Variants in POU2F1 observed in about 807,000 individuals in gnomAD.
POU2F1 encodes the protein POU domain, class 2, transcription factor 1.
A neutral mutation model predicts 84.9 loss-of-function variants in POU2F1; 16 were observed. The ratio of observed to expected loss-of-function variants is 0.19; its 90% CI spans 0.13 to 0.29. The LOEUF is 0.29. Among genes scored for constraint, POU2F1 ranks in the 10% least tolerant of loss-of-function variants. POU2F1 has a pLI of 1.00. For synonymous variants in POU2F1, 368 were observed against 368.3 expected (o/e 1.00, Z 0.01); for missense variants, 738 against 942.6 (o/e 0.78, Z 2.84).
intron 2 of POU2F1, among the ~76,000 whole-genome samples, chr1:167,360,877 T>A (rs1659310318): frequency 1.3e-5 from 2 of 152,140 alleles, no homozygotes; most frequent in Admixed American, 6.5e-5. Flanking sequence ...CTTTTAACAG[T>A]GTTTTATAGT....
At chr1:167,239,340 A>G (rs1346577357) in intron 1 of POU2F1, among the ~76,000 whole-genome samples, 1 of 152,150 alleles carries the variant, frequency 6.6e-6, no homozygotes, top group Admixed American at 6.5e-5. Flanking sequence ...CTTTTTTGCC[A>G]TGCTATCAAG....
intron 7 of POU2F1, among the ~76,000 whole-genome samples, chr1:167,377,582 G>A (rs909447916): frequency 4.6e-5 from 7 of 152,026 alleles, no homozygotes; most frequent in African/African-American, 9.7e-5. Flanking sequence ...GTGAGACTCC[G>A]TCTAAAAAAT....
intron 8 of POU2F1, among the ~76,000 whole-genome samples, chr1:167,385,865 C>T (rs1025817317): frequency 2.0e-5 from 3 of 152,076 alleles, no homozygotes; most frequent in African/African-American, 7.2e-5. Flanking sequence ...TCTGATAAAA[C>T]ATTTGTGTTC....
intron 1 of POU2F1, among the ~76,000 whole-genome samples, chr1:167,328,368 C>CT (rs1362574175): frequency 6.6e-6 from 1 of 152,176 alleles, no homozygotes; most frequent in East Asian, 1.9e-4. Flanking sequence ...TAAAGTGGGA[C>CT]TTTCTCTTGA....
intron 2 of POU2F1, among the ~76,000 whole-genome samples, chr1:167,339,370 T>C (rs564418800): frequency 6.6e-6 from 1 of 152,230 alleles, no homozygotes; most frequent in Non-Finnish European, 1.5e-5. Flanking sequence ...GCTGTTGTTC[T>C]GCTTTCCCAC....
At chr1:167,352,586 A>G (rs920283225) in intron 2 of POU2F1, among the ~76,000 whole-genome samples, 1 of 152,220 alleles carries the variant, frequency 6.6e-6, no homozygotes, top group African/African-American at 2.4e-5. Flanking sequence ...CTCAATTACT[A>G]TCCAGCTTGG....
At chr1:167,290,794 A>G (rs1422276212) in intron 1 of POU2F1, among the ~76,000 whole-genome samples, 5 of 152,176 alleles carry the variant, frequency 3.3e-5, no homozygotes. Context: ...TGTAATCCCA[A>G]CACTGGGAAG....
intron 2 of POU2F1, among the ~76,000 whole-genome samples, chr1:167,347,576 T>A (rs1658282739): frequency 6.6e-6 from 1 of 152,190 alleles, no homozygotes; most frequent in South Asian, 2.1e-4. Context: ...AAATGAACAA[T>A]TCAGTGGCAT....
intron 1 of POU2F1, among the ~76,000 whole-genome samples, chr1:167,260,432 A>G (rs576862474): frequency 6.6e-6 from 1 of 152,262 alleles, no homozygotes; most frequent in East Asian, 1.9e-4. Flanking sequence ...ATGTGTTATT[A>G]AAGAAAGCTG....
intron 7 of POU2F1, chr1:167,379,515 A>G (rs908886881): frequency 6.6e-6 from 1 of 152,206 alleles, no homozygotes; most frequent in Non-Finnish European, 1.5e-5. Context: ...GAAAATATAT[A>G]TGTAGTGTTA....
chr1:167,349,172 A>G (rs564890997), intron 2 of POU2F1, among the ~76,000 whole-genome samples: 1 of 151,780 alleles, frequency 6.6e-6, no homozygotes, highest in African/African-American at 2.4e-5. Context: ...CCCTCACTCA[A>G]CCTTTTCCAA....
intron 1 of POU2F1, among the ~76,000 whole-genome samples, chr1:167,260,889 A>G (rs1445346674): frequency 5.3e-5 from 8 of 152,162 alleles, no homozygotes; most frequent in Non-Finnish European, 8.8e-5. Flanking sequence ...TTAATGCACT[A>G]AAATTTTAAT....
chr1:167,331,609 G>A (rs750828508), intron 1 of POU2F1, among the ~76,000 whole-genome samples: 8 of 151,936 alleles, frequency 5.3e-5, no homozygotes, highest in Non-Finnish European at 7.4e-5. Flanking sequence ...TGTATATTCC[G>A]TTTCTTACCC....
intron 2 of POU2F1, among the ~76,000 whole-genome samples, chr1:167,338,942 T>C (rs942829559): frequency 1.3e-5 from 2 of 152,326 alleles, no homozygotes; most frequent in East Asian, 3.9e-4. Context: ...GGAGTAGAAT[T>C]GCTGGGTAAA....
rs1648926707 is a variant in POU2F1, at chr1:167,397,927, T to C, written c.1130-67T>C. ...TATTTTGTCAGTTTTGTTGTTAATA[T>C]GCATATTATGCACATGAATCACTGT... On this transcript the variant is annotated intron_variant, in intron 10 of 15. Coordinates refer to ENST00000367866, the MANE Select transcript of POU2F1 (RefSeq NM_002697.4). The C allele has an allele frequency of 8.9e-6, 13 of 1,461,084 alleles. 1 individual carries two copies. The South Asian group carries it at 1.7e-4, about 19-fold the overall frequency. 90.5% of individuals were successfully genotyped at this position (1,461,084 alleles called of 1,614,324 possible).
At chr1:167,351,638 T>A (rs1224076890) in intron 2 of POU2F1, among the ~76,000 whole-genome samples, 1 of 151,952 alleles carries the variant, frequency 6.6e-6, no homozygotes, top group Non-Finnish European at 1.5e-5. Flanking sequence ...GGAGTTAAGA[T>A]TTTGGAAATA....
chr1:167,385,513 A>G (rs1033688326), intron 8 of POU2F1, among the ~76,000 whole-genome samples: 4 of 152,188 alleles, frequency 2.6e-5, no homozygotes, highest in African/African-American at 9.7e-5. Flanking sequence ...GTAGATCCAC[A>G]TGTATATGGC....
rs1648307362 is a variant in POU2F1 at position 167,390,333 on chromosome 1, TA to T, written c.987+575del. Among the ~76,000 whole-genome samples the T allele has an allele frequency of 5.9e-5, 9 of 152,346 alleles. No individual in the cohort carries two copies. The South Asian group carries it at 1.9e-3, about 32-fold the overall frequency. ...GCCTCTGAAATCATAATTATATCACTAAATTGTGAAGACTTTAAAAGATTGT... is the reference window on the plus strand; with the variant it reads ...GCCTCTGAAATCATAATTATATCACTAATTGTGAAGACTTTAAAAGATTGT... On this transcript the variant is annotated intron_variant, in intron 9 of 15. Coordinates refer to ENST00000367866, the MANE Select transcript of POU2F1 (RefSeq NM_002697.4).
rs1650876563 is a variant in POU2F1 at position 167,425,072 on chromosome 1, C to G, written c.*9262C>G. On this transcript the variant is annotated 3_prime_UTR_variant, in exon 16 of 16. Coordinates refer to ENST00000367866, the MANE Select transcript of POU2F1 (RefSeq NM_002697.4). ...ATTATTATTATTATTATTTGACAAT[C>G]TTATATCCAATGGGCTCTCTAGAAG... 2.6e-5 allele frequency: 4 copies of G among 151,864 alleles called. No homozygotes were observed. The highest frequency in any genetic ancestry group is 2.6e-4 in the Admixed American group (4 of 15,256). The allele number at this position is 151,864 out of a possible 1,614,324, so 9.4% of individuals were successfully genotyped here.
Sources: allele counts gnomAD v4.1 joint callset (sites outside exome capture counted in the v4.1 genomes callset), GRCh38; gene constraint gnomAD v4.1.1; transcripts MANE v1.5; gene names NCBI Gene and HGNC (gene_info 2026-07-23, HGNC 2026-07-21).